Variants in LRRC8C observed in about 807,000 individuals in gnomAD.
LRRC8C encodes the protein leucine rich repeat containing 8 VRAC subunit C, also known as volume-regulated anion channel subunit LRRC8C.
LRRC8C carries 20 observed loss-of-function variants against 55.3 expected under a neutral mutation model. The observed-to-expected ratio is 0.36, with a 90% CI of 0.25 to 0.53. The LOEUF (loss-of-function observed/expected upper bound fraction) is 0.53. LRRC8C is among the 20% of genes least tolerant of loss of function. The probability of loss-of-function intolerance (pLI) is 0.92; values close to 1 mark genes in which losing one functional copy is unlikely to be tolerated. For missense variants in LRRC8C, 659 were observed against 951.4 expected (o/e 0.69, Z 4.04); for synonymous variants, 376 against 360.7 (o/e 1.04, Z -0.48).
At position 89,686,450 on chromosome 1, in the gene LRRC8C, A is replaced by G. The variant is rs371789599; in HGVS notation, c.-4-20A>G. On this transcript the variant is annotated intron_variant, in intron 1 of 2. Transcript: ENST00000370454. Reference sequence around the variant, plus strand: ...GTACTGGAAGATAAATTGATTTACAAGTAATCTCTCCTTTCTCAGAAACAT... The same window carrying G: ...GTACTGGAAGATAAATTGATTTACAGGTAATCTCTCCTTTCTCAGAAACAT... 2.4e-5 allele frequency: 39 copies of G among 1,613,400 alleles called. No individual in the cohort carries two copies. In the African/African-American group the frequency reaches 4.8e-4, roughly 20 times the overall value.
the LRRC8C span, among the ~76,000 whole-genome samples, chr1:89,619,311 G>T: frequency 6.6e-6 from 1 of 151,798 alleles, no homozygotes; most frequent in Non-Finnish European, 1.5e-5. Flanking sequence ...GGAAAGAAAT[G>T]ATGATTTTAG....
chr1:89,641,004 A>G (rs970346065), intron 1 of LRRC8C, among the ~76,000 whole-genome samples: 1 of 152,204 alleles, frequency 6.6e-6, no homozygotes, highest in Non-Finnish European at 1.5e-5. Context: ...AATATACTAC[A>G]TTTGTATTTG....
chr1:89,644,321 C>T (rs772318114), intron 1 of LRRC8C, among the ~76,000 whole-genome samples: 4 of 152,190 alleles, frequency 2.6e-5, no homozygotes, highest in Admixed American at 2.0e-4. Context: ...ACTACAGGCA[C>T]GTGCCACCGC....
the LRRC8C span, among the ~76,000 whole-genome samples, chr1:89,623,289 C>T: frequency 3.3e-5 from 5 of 152,156 alleles, no homozygotes; most frequent in African/African-American, 9.7e-5. Flanking sequence ...AATATTGTCT[C>T]ATCATTGTAA....
In LRRC8C at chr1:89,693,524, A is replaced by G. The variant is rs529904013; in HGVS notation, c.138+6913A>G. On this transcript the variant is annotated intron_variant, in intron 2 of 2. Transcript: ENST00000370454. ...TGAATTTTATAGATAGAAGCCCAGA[A>G]ATTCTTACTTAGAATCAGTAATACT... is the stretch of plus-strand genomic sequence containing the variant. 2.1e-3 allele frequency among the ~76,000 whole-genome samples: 314 copies of G among 152,238 alleles called. 3 individuals carry two copies. Among genetic ancestry groups the G allele is most frequent in the African/African-American group, 7.1e-3 (294 of 41,544 alleles).
At chr1:89,701,480 C>CAAA (rs398053212) in intron 2 of LRRC8C, among the ~76,000 whole-genome samples, 1 of 122,450 alleles carries the variant, frequency 8.2e-6, no homozygotes, top group Non-Finnish European at 1.7e-5. Flanking sequence ...GACTCCATCT[C>CAAA]AAAAAAAAAA....
chr1:89,634,816 A>G (rs894442996), intron 1 of LRRC8C, among the ~76,000 whole-genome samples: 11 of 152,284 alleles, frequency 7.2e-5, no homozygotes, highest in South Asian at 4.1e-4. Context: ...GGCCAAGGCT[A>G]TAATTGGTTT....
chr1:89,678,239 T>C (rs1396018910), intron 1 of LRRC8C, among the ~76,000 whole-genome samples: 3 of 152,250 alleles, frequency 2.0e-5, no homozygotes, highest in Non-Finnish European at 4.4e-5. Context: ...TTAACTAAAA[T>C]TACTATGTAT....
chr1:89,638,605 C>T (rs1228972527), intron 1 of LRRC8C, among the ~76,000 whole-genome samples: 1 of 127,426 alleles, frequency 7.8e-6, no homozygotes, highest in East Asian at 2.8e-4. Flanking sequence ...TGAATATATA[C>T]AATACCTTAA....
At chr1:89,698,825 T>C (rs1658239938) in intron 2 of LRRC8C, among the ~76,000 whole-genome samples, 1 of 152,184 alleles carries the variant, frequency 6.6e-6, no homozygotes, top group African/African-American at 2.4e-5. Context: ...CCTTAGACTT[T>C]GGCAGTTTGC....
chr1:89,706,283 A>ATGT (rs1658481408), intron 2 of LRRC8C: 2 of 455,940 alleles, frequency 4.4e-6, no homozygotes, highest in Non-Finnish European at 8.8e-6. Context: ...CTTCGTTTAT[A>ATGT]TGTTCTTTGT....
chr1:89,690,068 G>T (rs1657988329), intron 2 of LRRC8C, among the ~76,000 whole-genome samples: 1 of 152,188 alleles, frequency 6.6e-6, no homozygotes, highest in African/African-American at 2.4e-5. Flanking sequence ...TAAGTAATCA[G>T]TTGGATGTAA....
intron 1 of LRRC8C, among the ~76,000 whole-genome samples, chr1:89,653,880 A>G (rs529949849): frequency 1.3e-5 from 2 of 152,334 alleles, no homozygotes; most frequent in African/African-American, 2.4e-5. Context: ...TATCACTGCT[A>G]GGTATCTACC....
intron 2 of LRRC8C, among the ~76,000 whole-genome samples, chr1:89,694,718 G>T: frequency 6.8e-6 from 1 of 148,116 alleles, no homozygotes; most frequent in East Asian, 2.0e-4. Context: ...TTCCCTAGTA[G>T]TTGAGATTAC....
intron 1 of LRRC8C, among the ~76,000 whole-genome samples, chr1:89,681,880 G>T (rs541444683): frequency 2.6e-5 from 4 of 152,062 alleles, no homozygotes; most frequent in Non-Finnish European, 4.4e-5. Flanking sequence ...ATGCACATAC[G>T]CATTTACTCA....
chr1:89,695,720 A>G (rs561476674), intron 2 of LRRC8C, among the ~76,000 whole-genome samples: 59 of 152,350 alleles, frequency 3.9e-4, no homozygotes, highest in Non-Finnish European at 8.1e-4. Flanking sequence ...TGGATTTAAA[A>G]AAAATAATAA....
chr1:89,640,840 AGAG>A (rs1656436064), intron 1 of LRRC8C, among the ~76,000 whole-genome samples: 2 of 152,246 alleles, frequency 1.3e-5, no homozygotes, highest in Non-Finnish European at 2.9e-5. Flanking sequence ...TGTGGTGTAT[AGAG>A]TGCCTTGATT....
chr1:89,625,763 C>T, the LRRC8C span, among the ~76,000 whole-genome samples: 1 of 152,212 alleles, frequency 6.6e-6, no homozygotes, highest in Non-Finnish European at 1.5e-5. Flanking sequence ...AAAGAGAGGA[C>T]AGCTTCTCAT....
chr1:89,688,720 G>A (rs528886466), intron 2 of LRRC8C, among the ~76,000 whole-genome samples: 10 of 152,236 alleles, frequency 6.6e-5, no homozygotes, highest in East Asian at 1.9e-4. Context: ...TGGTTTCCCC[G>A]GAGACCTGAT....
Sources: gnomAD v4.1 joint callset for allele counts (sites outside exome capture counted in the v4.1 genomes callset) on GRCh38, gnomAD v4.1.1 for gene constraint, MANE v1.5 for transcripts, NCBI Gene and HGNC (gene_info 2026-07-23, HGNC 2026-07-21) for gene names.